SMAD3: variants seen among roughly 807,000 people sequenced by gnomAD.
The protein encoded by SMAD3 is MAD homolog 3.
In SMAD3, 12 loss-of-function variants were observed where a neutral mutation model predicts 51.8. That is an observed-to-expected ratio of 0.23 (90% CI 0.15 to 0.38). SMAD3 has a LOEUF of 0.38. SMAD3 is among the 10% of genes least tolerant of loss of function. The pLI, the probability that SMAD3 is intolerant of heterozygous loss-of-function variation, is 1.00. For synonymous variants in SMAD3, 238 were observed against 227.7 expected, an observed-to-expected ratio of 1.05 and a Z score of -0.41; for missense variants, 294 against 565.6, an observed-to-expected ratio of 0.52 and a Z score of 4.87.
At chr15:67,188,148 CTTTTTTT>C (rs11367565) in intron 8 of SMAD3, among the ~76,000 whole-genome samples, 2 of 116,004 alleles carry the variant, frequency 1.7e-5, no homozygotes, top group African/African-American at 3.0e-5. Context: ...TTTTCTTTTT[CTTTTTTT>C]TTTTTTTTTT....
intron 1 of SMAD3, among the ~76,000 whole-genome samples, chr15:67,163,327 A>T (rs938807637): frequency 2.0e-5 from 3 of 152,092 alleles, no homozygotes; most frequent in African/African-American, 4.8e-5. Flanking sequence ...GCCTTTTCTC[A>T]TAGTGAAGTC....
At chr15:67,168,442 C>T (rs1395561414) in intron 4 of SMAD3, among the ~76,000 whole-genome samples, 6 of 152,252 alleles carry the variant, frequency 3.9e-5, no homozygotes, top group African/African-American at 1.4e-4. Flanking sequence ...CCGCTGCAAG[C>T]TTGCAGCTAT....
At chr15:67,121,247 C>T in intron 1 of SMAD3, among the ~76,000 whole-genome samples, 1 of 152,208 alleles carries the variant, frequency 6.6e-6, no homozygotes, top group Admixed American at 6.5e-5. Context: ...CCACGCGGCC[C>T]CAGTGTTCTC....
chr15:67,111,392 T>C (rs775069256), intron 1 of SMAD3, among the ~76,000 whole-genome samples: 3 of 152,266 alleles, frequency 2.0e-5, no homozygotes, highest in Admixed American at 6.5e-5. Context: ...CTTTCTTCAG[T>C]TGATAGACAT....
intron 6 of SMAD3, among the ~76,000 whole-genome samples, chr15:67,181,790 T>G (rs1189408419): frequency 8.9e-4 from 8 of 9,016 alleles, no homozygotes; most frequent in Non-Finnish European, 1.7e-3. Context: ...ATGAAATCTA[T>G]TTTTTTTTTT....
chr15:67,125,506 C>T (rs752477997), intron 1 of SMAD3, among the ~76,000 whole-genome samples: 2 of 152,200 alleles, frequency 1.3e-5, no homozygotes, highest in African/African-American at 4.8e-5. Flanking sequence ...TGTAGCCCAC[C>T]GTGGGTGGAT....
intron 5 of SMAD3, among the ~76,000 whole-genome samples, chr15:67,179,366 G>T (rs1364390857): frequency 1.3e-5 from 2 of 152,118 alleles, no homozygotes; most frequent in African/African-American, 4.8e-5. Flanking sequence ...GCACCTAGTG[G>T]GTAGGGGCCA....
chr15:67,155,865 T>C (rs532687871), intron 1 of SMAD3, among the ~76,000 whole-genome samples: 337 of 152,044 alleles, frequency 2.2e-3, no homozygotes, highest in African/African-American at 4.4e-3. Flanking sequence ...TGCGCACCTA[T>C]AATCCCAGCT....
chr15:67,122,573 T>G (rs4776341), intron 1 of SMAD3, among the ~76,000 whole-genome samples: 84,928 of 151,956 alleles, frequency 0.56, 23,787 homozygotes, highest in South Asian at 0.69. Context: ...TCCAGAGAGG[T>G]GAGGGGATGC....
chr15:67,127,939 T>A (rs1016489376), intron 1 of SMAD3, among the ~76,000 whole-genome samples: 4 of 152,234 alleles, frequency 2.6e-5, no homozygotes, highest in African/African-American at 7.2e-5. Flanking sequence ...GCCTTGCTAA[T>A]GTGTTCCTCT....
intron 1 of SMAD3, chr15:67,142,912 C>G: frequency 4.5e-6 from 2 of 440,544 alleles, no homozygotes; most frequent in South Asian, 3.2e-5. Context: ...GCATACCCGT[C>G]GGCTCACTCC....
chr15:67,075,124 A>AT (rs996374004), intron 1 of SMAD3, among the ~76,000 whole-genome samples: 2 of 152,204 alleles, frequency 1.3e-5, no homozygotes, highest in South Asian at 2.1e-4. Context: ...GCCAAAAGGC[A>AT]TTTTTTCCTT....
chr15:67,175,015 G>A (rs1962850584), intron 5 of SMAD3, among the ~76,000 whole-genome samples: 1 of 152,222 alleles, frequency 6.6e-6, no homozygotes, highest in Non-Finnish European at 1.5e-5. Flanking sequence ...TTGCAGGGCA[G>A]GAGATATGAG....
At position 67,085,868 on chromosome 15, in the gene SMAD3, G is replaced by GCACACACA. The variant is rs78357581; in HGVS notation, c.206+19533_206+19540dup. Among the ~76,000 whole-genome samples the GCACACACA allele has an allele frequency of 9.7e-3, 976 of 100,108 alleles. 10 individuals carry two copies. Among genetic ancestry groups the GCACACACA allele is most frequent in the East Asian group, 0.06 (181 of 3,026 alleles). The allele number at this position is 100,108 out of a possible 152,430, so 65.7% of individuals were successfully genotyped here. A position where few individuals can be genotyped will look rare whatever the true frequency, so the allele number is the denominator to read the frequency against. ...TAGTGGTTGGTCAAAAAAAAAGCGT[G>GCACACACA]CACACACACACACACACACACACAC... On this transcript the variant is annotated intron_variant, in intron 1 of 8. Coordinates refer to ENST00000327367, the MANE Select transcript of SMAD3 (RefSeq NM_005902.4).
chr15:67,082,947 A>G (rs1960309473), intron 1 of SMAD3, among the ~76,000 whole-genome samples: 1 of 152,172 alleles, frequency 6.6e-6, no homozygotes, highest in African/African-American at 2.4e-5. Context: ...AGAATCTATC[A>G]CTGCTACTGA....
At chr15:67,188,304 A>AT (rs750467603) in intron 8 of SMAD3, among the ~76,000 whole-genome samples, 1 of 151,448 alleles carries the variant, frequency 6.6e-6, no homozygotes, top group Non-Finnish European at 1.5e-5. Context: ...CGCCTGGCTA[A>AT]TTTTTTGTAT....
chr15:67,095,104 C>T (rs908349806), intron 1 of SMAD3, among the ~76,000 whole-genome samples: 6 of 152,048 alleles, frequency 3.9e-5, no homozygotes, highest in Admixed American at 2.6e-4. Context: ...GTTGGTTGGT[C>T]CCTTCCTCTC....
intron 1 of SMAD3, among the ~76,000 whole-genome samples, chr15:67,087,186 C>T (rs988526305): frequency 3.9e-5 from 6 of 152,150 alleles, no homozygotes; most frequent in Non-Finnish European, 8.8e-5. Flanking sequence ...CAGCACCAGC[C>T]TCTTCTCCTT....
At chr15:67,121,055 C>T (rs1961248403) in intron 1 of SMAD3, among the ~76,000 whole-genome samples, 1 of 152,168 alleles carries the variant, frequency 6.6e-6, no homozygotes, top group African/African-American at 2.4e-5. Context: ...TGCATGTTTT[C>T]AGGCAGGGCA....
Sources: allele counts gnomAD v4.1 joint callset (sites outside exome capture counted in the v4.1 genomes callset), GRCh38; gene constraint gnomAD v4.1.1; transcripts MANE v1.5; gene names NCBI Gene and HGNC (gene_info 2026-07-23, HGNC 2026-07-21).